The following SEMA3A variants were observed in gnomAD, a reference collection of about 807,000 sequenced individuals.
SEMA3A encodes semaphorin 3A, also known as semaphorin-3A.
A neutral mutation model predicts 97.9 loss-of-function variants in SEMA3A; 29 were observed. The ratio of observed to expected loss-of-function variants is 0.30; its 90% CI spans 0.22 to 0.40. SEMA3A has a LOEUF of 0.40. Ranked by LOEUF, SEMA3A falls within the 10% of genes least tolerant of loss-of-function variation. The pLI is 1.00. For missense variants in SEMA3A, 763 were observed against 951.3 expected, an observed-to-expected ratio of 0.80 and a Z score of 2.60; for synonymous variants, 321 against 323.7, an observed-to-expected ratio of 0.99 and a Z score of 0.09.
chr7:84,482,923 T>C (rs952205684), intron 1 of SEMA3A, among the ~76,000 whole-genome samples: 1 of 150,388 alleles, frequency 6.6e-6, no homozygotes, highest in Non-Finnish European at 1.5e-5. Flanking sequence ...CATCTGAAAG[T>C]ACCCTTGGAA....
At position 84,482,848 on chromosome 7, in the gene SEMA3A, T is replaced by C. The variant is rs549976363; in HGVS notation, c.-246+9612A>G. ...TTATTTATTTCAAAAAGTTACATGA[T>C]AGACTCAAAATTCTAGTTTTTTTTT... On this transcript the variant is annotated intron_variant, in intron 1 of 3. Coordinates refer to the SEMA3A transcript ENST00000424555. 2.0e-5 allele frequency among the ~76,000 whole-genome samples: 3 copies of C among 149,248 alleles called. No individual in the cohort carries two copies. The Admixed American group carries it at 2.0e-4, about 10-fold the overall frequency.
chr7:84,404,854 T>C (rs1804025727), intron 1 of SEMA3A, among the ~76,000 whole-genome samples: 1 of 152,164 alleles, frequency 6.6e-6, no homozygotes, highest in Non-Finnish European at 1.5e-5. Context: ...TGAGAGATTT[T>C]GTCACCACCA....
chr7:84,479,622 G>C (rs1314427106), intron 1 of SEMA3A, among the ~76,000 whole-genome samples: 8 of 152,052 alleles, frequency 5.3e-5, no homozygotes, highest in Non-Finnish European at 8.8e-5. Flanking sequence ...ATACTATGTA[G>C]CTCAAGATTT....
chr7:84,062,204 C>G (rs998046439), intron 4 of SEMA3A, among the ~76,000 whole-genome samples: 1 of 152,154 alleles, frequency 6.6e-6, no homozygotes, highest in African/African-American at 2.4e-5. Flanking sequence ...CCATTATTTT[C>G]AACTTTCCTA....
intron 3 of SEMA3A, among the ~76,000 whole-genome samples, chr7:84,264,445 C>T (rs1221983063): frequency 6.6e-6 from 1 of 152,122 alleles, no homozygotes; most frequent in Non-Finnish European, 1.5e-5. Flanking sequence ...ACAAAAATTA[C>T]TTCTGCGGTT....
chr7:84,314,617 T>C (rs1358408844), intron 2 of SEMA3A, among the ~76,000 whole-genome samples: 1 of 152,188 alleles, frequency 6.6e-6, no homozygotes, highest in African/African-American at 2.4e-5. Flanking sequence ...ATAAGCTATA[T>C]AGATAGATGT....
chr7:84,283,114 A>C (rs905117194), intron 3 of SEMA3A, among the ~76,000 whole-genome samples: 18 of 152,146 alleles, frequency 1.2e-4, no homozygotes, highest in African/African-American at 3.9e-4. Flanking sequence ...TTAATCTTTA[A>C]GAATTGTGTG....
At chr7:84,111,250 G>A (rs1795269543) in intron 3 of SEMA3A, among the ~76,000 whole-genome samples, 1 of 152,068 alleles carries the variant, frequency 6.6e-6, no homozygotes. Flanking sequence ...ATCAAGCGTG[G>A]ACAACAGTAC....
At chr7:84,116,558 G>A (rs1795436018) in intron 3 of SEMA3A, among the ~76,000 whole-genome samples, 1 of 152,128 alleles carries the variant, frequency 6.6e-6, no homozygotes, top group African/African-American at 2.4e-5. Context: ...CTACCATCTG[G>A]GAATATGACT....
At position 84,388,026 on chromosome 7, in the gene SEMA3A, C is replaced by A. The variant is rs192604482; in HGVS notation, c.-245-16126G>T. On this transcript the variant is annotated intron_variant, in intron 1 of 3. Transcript: ENST00000424555. ...AAACACAGATATAGGATAGAAGTCACCTCATTTCCTATGTTAAAATATTGC... is the reference window on the plus strand; with the variant it reads ...AAACACAGATATAGGATAGAAGTCAACTCATTTCCTATGTTAAAATATTGC... 9.0e-4 allele frequency among the ~76,000 whole-genome samples: 137 copies of A among 152,178 alleles called. 2 individuals carry two copies. The highest frequency in any genetic ancestry group is 7.3e-3 in the Admixed American group (111 of 15,286).
At chr7:84,165,375 A>G (rs909955001) in intron 1 of SEMA3A, among the ~76,000 whole-genome samples, 3 of 152,192 alleles carry the variant, frequency 2.0e-5, no homozygotes, top group South Asian at 2.1e-4. Flanking sequence ...AAAAATCATT[A>G]TAACTATGTA....
intron 1 of SEMA3A, among the ~76,000 whole-genome samples, chr7:84,167,158 CT>C (rs1797239656): frequency 6.6e-6 from 1 of 151,942 alleles, no homozygotes; most frequent in African/African-American, 2.4e-5. Flanking sequence ...TAGAAGGGAC[CT>C]AATCAGGATT....
chr7:84,197,940 G>C (rs1490893543), upstream of SEMA3A, among the ~76,000 whole-genome samples: 2 of 151,498 alleles, frequency 1.3e-5, no homozygotes, highest in Non-Finnish European at 2.9e-5. Context: ...GAGTTTCACC[G>C]TGTTGCCCAG....
intron 3 of SEMA3A, among the ~76,000 whole-genome samples, chr7:84,272,828 C>CT (rs1735804107): frequency 6.6e-6 from 1 of 152,006 alleles, no homozygotes; most frequent in Non-Finnish European, 1.5e-5. Flanking sequence ...TCCAGCTCAG[C>CT]TTTTTTCCAC....
chr7:84,261,141 C>T (rs566959438), intron 3 of SEMA3A, among the ~76,000 whole-genome samples: 1 of 152,276 alleles, frequency 6.6e-6, no homozygotes, highest in Admixed American at 6.5e-5. Flanking sequence ...AAAGGAGCTA[C>T]CCACTCAGGG....
intron 1 of SEMA3A, among the ~76,000 whole-genome samples, chr7:84,492,044 G>C (rs879277947): frequency 6.6e-6 from 1 of 152,078 alleles, no homozygotes; most frequent in Non-Finnish European, 1.5e-5. Flanking sequence ...TAACGTAGCA[G>C]TATAGTTATG....
At chr7:84,094,414 C>T (rs991219179) in intron 4 of SEMA3A, among the ~76,000 whole-genome samples, 2 of 151,574 alleles carry the variant, frequency 1.3e-5, no homozygotes, top group African/African-American at 2.4e-5. Context: ...TTTTCAATAG[C>T]GTTCTTTTTA....
intron 1 of SEMA3A, among the ~76,000 whole-genome samples, chr7:84,423,215 G>A (rs1804648302): frequency 1.4e-5 from 2 of 142,790 alleles, no homozygotes; most frequent in Non-Finnish European, 3.0e-5. Context: ...CATACCATTA[G>A]AATACTATGA....
At chr7:84,355,724 A>G (rs1224377076) in intron 2 of SEMA3A, among the ~76,000 whole-genome samples, 1 of 151,838 alleles carries the variant, frequency 6.6e-6, no homozygotes, top group Non-Finnish European at 1.5e-5. Context: ...ACTTGGAAAA[A>G]ATTATGTTTG....
Sources: allele counts gnomAD v4.1 joint callset (sites outside exome capture counted in the v4.1 genomes callset), GRCh38; gene constraint gnomAD v4.1.1; transcripts MANE v1.5; gene names NCBI Gene and HGNC (gene_info 2026-07-23, HGNC 2026-07-21).